Variants in PPFIA2 observed in about 807,000 individuals in gnomAD.
The protein encoded by PPFIA2 is PPFI scaffold protein A2, also known as liprin-alpha-2.
In PPFIA2, 46 loss-of-function variants were observed where a neutral mutation model predicts 175.5. That is an observed-to-expected ratio of 0.26 (90% CI 0.21 to 0.34). PPFIA2 has a LOEUF of 0.34. Among genes scored for constraint, PPFIA2 ranks in the 10% least tolerant of loss-of-function variants. PPFIA2 has a pLI of 1.00. For missense variants in PPFIA2, 1,179 were observed against 1,506.1 expected (o/e 0.78, Z 3.60); for synonymous variants, 568 against 511.4 (o/e 1.11, Z -1.49).
At chr12:81,454,687 C>T (rs1185435212) in intron 5 of PPFIA2, among the ~76,000 whole-genome samples, 1 of 152,052 alleles carries the variant, frequency 6.6e-6, no homozygotes, top group Non-Finnish European at 1.5e-5. Context: ...ATACAAATGA[C>T]CCCATCCACA....
intron 4 of PPFIA2, among the ~76,000 whole-genome samples, chr12:81,669,194 T>C (rs1195176514): frequency 1.3e-5 from 2 of 152,060 alleles, no homozygotes; most frequent in Non-Finnish European, 2.9e-5. Context: ...ATTCTATTAA[T>C]ACTGATTTTG....
chr12:81,316,258 A>G (rs1244880233), intron 22 of PPFIA2, among the ~76,000 whole-genome samples: 3 of 151,600 alleles, frequency 2.0e-5, no homozygotes, highest in Non-Finnish European at 4.4e-5. Context: ...CTCATTTGAA[A>G]TAACTATGGG....
rs532613809 is a variant in PPFIA2 at position 81,740,974 on chromosome 12, A to AATTC, written c.249+12998_249+12999insGAAT. Among the ~76,000 whole-genome samples the AATTC allele has an allele frequency of 8.0e-3, 763 of 95,776 alleles. 2 individuals carry two copies. Among genetic ancestry groups the AATTC allele is most frequent in the Admixed American group, 0.018 (145 of 7,876 alleles). The allele number at this position is 95,776 out of a possible 152,430, so 62.8% of individuals were successfully genotyped here. A position where few individuals can be genotyped will look rare whatever the true frequency, so the allele number is the denominator to read the frequency against. On this transcript the variant is annotated intron_variant, in intron 3 of 32. Transcript: ENST00000549396. ...GGTAGCAGTATTATAAAGTCATATA[A>AATTC]ATATTCATACACTTTTTTTTGTGTC...
intron 4 of PPFIA2, among the ~76,000 whole-genome samples, chr12:81,548,857 CAT>C (rs1276395289): frequency 6.6e-6 from 1 of 152,008 alleles, no homozygotes; most frequent in African/African-American, 2.4e-5. Flanking sequence ...CATTTAAAAA[CAT>C]ATTCTTTTTG....
intron 21 of PPFIA2, among the ~76,000 whole-genome samples, chr12:81,329,588 C>T (rs773645358): frequency 7.2e-5 from 11 of 152,056 alleles, no homozygotes; most frequent in South Asian, 2.1e-4. Flanking sequence ...CCAGTGGGAG[C>T]GAGGGATCCA....
chr12:81,617,384 G>C (rs1336622349), intron 4 of PPFIA2, among the ~76,000 whole-genome samples: 1 of 152,150 alleles, frequency 6.6e-6, no homozygotes, highest in Admixed American at 6.5e-5. Flanking sequence ...CTAGTCTGTA[G>C]ATCTTTTGTA....
At chr12:81,520,341 C>T (rs1300799177) in intron 4 of PPFIA2, among the ~76,000 whole-genome samples, 1 of 152,136 alleles carries the variant, frequency 6.6e-6, no homozygotes. Flanking sequence ...CATCACACTA[C>T]TCTGAATGGT....
intron 3 of PPFIA2, among the ~76,000 whole-genome samples, chr12:81,683,939 T>A (rs183700665): frequency 3.3e-5 from 5 of 152,132 alleles, no homozygotes; most frequent in Admixed American, 2.0e-4. Flanking sequence ...CCAGGCTCTT[T>A]GTAACAACCA....
intron 4 of PPFIA2, among the ~76,000 whole-genome samples, chr12:81,612,214 T>C (rs895145925): frequency 2.0e-5 from 3 of 152,186 alleles, no homozygotes; most frequent in African/African-American, 7.2e-5. Context: ...TTCTACTTCC[T>C]GGGCTTTTAC....
chr12:81,575,231 T>C (rs1053632675), intron 4 of PPFIA2, among the ~76,000 whole-genome samples: 47 of 151,842 alleles, frequency 3.1e-4, no homozygotes, highest in African/African-American at 1.0e-3. Context: ...AAAGTGAAGA[T>C]ATATGTATTT....
intron 22 of PPFIA2, among the ~76,000 whole-genome samples, chr12:81,313,685 C>T (rs979007602): frequency 4.6e-5 from 7 of 151,996 alleles, no homozygotes; most frequent in Non-Finnish European, 7.4e-5. Context: ...GTGAACTCTA[C>T]GATGAGCTCT....
chr12:81,483,119 A>C (rs1052250795), intron 4 of PPFIA2, among the ~76,000 whole-genome samples: 1 of 152,202 alleles, frequency 6.6e-6, no homozygotes, highest in Non-Finnish European at 1.5e-5. Context: ...GCAGAACTGC[A>C]AAATGGCACA....
chr12:81,584,726 AATAT>A (rs1482252402), intron 4 of PPFIA2, among the ~76,000 whole-genome samples: 3 of 146,926 alleles, frequency 2.0e-5, no homozygotes, highest in Non-Finnish European at 4.5e-5. Context: ...TGTATATCTA[AATAT>A]ATATAAGGCC....
intron 4 of PPFIA2, among the ~76,000 whole-genome samples, chr12:81,624,205 A>T (rs1474316389): frequency 6.6e-6 from 1 of 151,624 alleles, no homozygotes; most frequent in East Asian, 1.9e-4. Flanking sequence ...TATAATCCAG[A>T]TGCTTGCTTT....
chr12:81,484,571 C>T (rs1354792548), intron 4 of PPFIA2, among the ~76,000 whole-genome samples: 3 of 151,736 alleles, frequency 2.0e-5, no homozygotes, highest in Non-Finnish European at 4.4e-5. Context: ...AAGTATACTC[C>T]CATGAATTCA....
chr12:81,631,534 T>C (rs1254917471), intron 4 of PPFIA2, among the ~76,000 whole-genome samples: 2 of 152,340 alleles, frequency 1.3e-5, no homozygotes, highest in East Asian at 1.9e-4. Context: ...TAAATTCTTA[T>C]ATAGAAATAC....
chr12:81,671,997 T>A (rs1312234614), intron 4 of PPFIA2, among the ~76,000 whole-genome samples: 1 of 152,002 alleles, frequency 6.6e-6, no homozygotes, highest in Admixed American at 6.6e-5. Flanking sequence ...TGCCAAACTG[T>A]TCATTCAAGT....
chr12:81,374,661 C>A lies in PPFIA2; in HGVS notation c.1239G>T (p.Leu413=). 1 of 1,613,128 alleles carries A rather than the reference C, an allele frequency of 6.2e-7. No homozygotes were observed. The highest frequency in any genetic ancestry group is 1.3e-5 in the African/African-American group (1 of 74,946). The part of the protein sequence containing the change: ...AETLPEVEAE[L]AQRIAALTKA... ...TGGTTAGGGCTGCAATTCTCTGAGCCAGTTCAGCCTCTACTTCAGGCAAGG... is the reference window on the plus strand; with the variant it reads ...TGGTTAGGGCTGCAATTCTCTGAGCAAGTTCAGCCTCTACTTCAGGCAAGG... The change falls in exon 11 of 33, where the codon CTG becomes CTT. Residue 413 remains leucine (L), a synonymous_variant. Coordinates refer to ENST00000549396, the MANE Select transcript of PPFIA2 (RefSeq NM_003625.5).
chr12:81,674,835 T>C (rs559540251), intron 4 of PPFIA2, among the ~76,000 whole-genome samples: 2 of 152,096 alleles, frequency 1.3e-5, no homozygotes, highest in African/African-American at 2.4e-5. Flanking sequence ...CTAGATACTA[T>C]TGGGCTAAAT....
Sources: gnomAD v4.1 joint callset for allele counts (sites outside exome capture counted in the v4.1 genomes callset) on GRCh38, gnomAD v4.1.1 for gene constraint, MANE v1.5 for transcripts, NCBI Gene and HGNC (gene_info 2026-07-23, HGNC 2026-07-21) for gene names.